E2F5: variants seen among roughly 807,000 people sequenced by gnomAD.
E2F5 encodes the protein transcription factor E2F5.
Under a neutral mutation model 39.1 loss-of-function variants are expected in E2F5, and 23 were observed. The observed-to-expected ratio is 0.59, with a 90% CI of 0.42 to 0.83. The LOEUF (loss-of-function observed/expected upper bound fraction) is 0.83, where lower values mean the gene tolerates loss of function less well. Ranked by LOEUF, E2F5 falls within the 40% of genes least tolerant of loss-of-function variation. The pLI is 0.00. For synonymous variants in E2F5, 145 were observed against 157.8 expected, an observed-to-expected ratio of 0.92 and a Z score of 0.61; for missense variants, 365 against 406.7, an observed-to-expected ratio of 0.90 and a Z score of 0.88.
At position 85,213,736 on chromosome 8, in the gene E2F5, T is replaced by A; in HGVS notation, c.932-17T>A. 1 of 1,404,984 alleles carries A rather than the reference T, an allele frequency of 7.1e-7. No individual in the cohort carries two copies. The highest frequency in any genetic ancestry group is 1.0e-6 in the Non-Finnish European group (1 of 993,528). The allele number at this position is 1,404,984 out of a possible 1,614,324, so 87.0% of individuals were successfully genotyped here. On this transcript the variant is annotated splice_polypyrimidine_tract_variant and intron_variant, in intron 7 of 7. Coordinates refer to ENST00000416274, the MANE Select transcript of E2F5 (RefSeq NM_001951.4). ...GTAGAAACCATCTTTAACACTAAAT[T>A]TGTTTTTTGTTCGCAGTGTTTCCTC...
At chr8:85,202,982 A>G (rs552560126) in intron 2 of E2F5, 112 bp from the exon 3 acceptor site, 4 of 793,344 alleles carry the variant, frequency 5.0e-6, no homozygotes, top group Non-Finnish European at 6.9e-6. Flanking sequence ...TAAGAGTGTA[A>G]AGACTTCTGT....
chr8:85,213,843 T>A lies in E2F5; in HGVS notation c.1022T>A (p.Val341Asp). The A allele has an allele frequency of 6.2e-7, 1 of 1,604,562 alleles. No individual in the cohort carries two copies. The highest frequency in any genetic ancestry group is 8.5e-7 in the Non-Finnish European group (1 of 1,171,704). ...GAAGGAGTTTGTGATCTGTTTGATG[T>A]CCAGATACTAAATTATTAGATTCCA... ...DNEGVCDLFD[V>D]QILNY is the part of the protein sequence containing the mutation. Residue 341 changes from valine (V) to aspartate (D), a missense_variant, in exon 8 of 8, where the codon GTC becomes GAC. Physicochemically the swap from Val to Asp is radical, Grantham distance 152. Transcript: ENST00000416274.
In E2F5 at chr8:85,207,360, T is replaced by C. The variant is rs993923097; in HGVS notation, c.551-65T>C. On this transcript the variant is annotated intron_variant, in intron 4 of 7. Transcript: ENST00000416274. Reference sequence around the variant, plus strand: ...AAACACTCTGATTCCAGAGCCCACATTCTTGCCACTGTATTCCATGATCAA... The same window carrying C: ...AAACACTCTGATTCCAGAGCCCACACTCTTGCCACTGTATTCCATGATCAA... 53 of 1,395,072 alleles carry C rather than the reference T, an allele frequency of 3.8e-5. No individual in the cohort carries two copies. The Admixed American group carries it at 9.0e-4, about 24-fold the overall frequency. 86.4% of individuals were successfully genotyped at this position (1,395,072 alleles called of 1,614,324 possible).
chr8:85,199,537 G>A (rs1172146853), intron 1 of E2F5, among the ~76,000 whole-genome samples: 2 of 90,068 alleles, frequency 2.2e-5, no homozygotes, highest in African/African-American at 7.1e-5. Context: ...GGAAGGTAGT[G>A]GTGATAGTGG....
At chr8:85,201,058 C>T (rs1349026576) in intron 1 of E2F5, among the ~76,000 whole-genome samples, 2 of 152,204 alleles carry the variant, frequency 1.3e-5, no homozygotes, top group East Asian at 3.8e-4. Context: ...AGAGAACTGA[C>T]ATTTCTCTTA....
In E2F5 at chr8:85,202,259, A is replaced by G. The variant is rs550155630; in HGVS notation, c.344+3A>G. The G allele has an allele frequency of 3.9e-5, 63 of 1,596,902 alleles. No homozygotes were observed. In the Admixed American group the frequency reaches 7.4e-4, roughly 19 times the overall value. On this transcript the variant is annotated splice_donor_region_variant and intron_variant, in intron 2 of 7. Coordinates refer to ENST00000416274, the MANE Select transcript of E2F5 (RefSeq NM_001951.4). ...TCAAAAAACAGTATCCAGTGGAAGT[A>G]AGTTACAAACCAGCACCCTCTTCTG...
At chr8:85,193,200 C>G (rs1202426304) in intron 1 of E2F5, among the ~76,000 whole-genome samples, 1 of 151,716 alleles carries the variant, frequency 6.6e-6, no homozygotes, top group Non-Finnish European at 1.5e-5. Flanking sequence ...TTAAAATGTT[C>G]CTGGCCAGGT....
chr8:85,197,269 G>A (rs1812602309), intron 1 of E2F5, among the ~76,000 whole-genome samples: 1 of 152,130 alleles, frequency 6.6e-6, no homozygotes, highest in Non-Finnish European at 1.5e-5. Context: ...TTTGATATTA[G>A]CCTTTTTAAT....
intron 1 of E2F5, among the ~76,000 whole-genome samples, chr8:85,190,757 G>A (rs752288095): frequency 3.3e-5 from 5 of 151,982 alleles, no homozygotes; most frequent in Non-Finnish European, 7.4e-5. Context: ...GCCCGCCTCA[G>A]CCTCCTAAAA....
At chr8:85,207,302 A>C (rs1239428544) in intron 4 of E2F5, 123 bp from the exon 5 acceptor site, 4 of 704,118 alleles carry the variant, frequency 5.7e-6, no homozygotes, top group Non-Finnish European at 9.2e-6. Flanking sequence ...ATTGAAAATC[A>C]AAGCTCAAGG....
chr8:85,187,956 G>A (rs1005996198), intron 1 of E2F5, among the ~76,000 whole-genome samples: 8 of 151,754 alleles, frequency 5.3e-5, no homozygotes, highest in Non-Finnish European at 1.2e-4. Context: ...TTGCTTTGTT[G>A]TTACCATGAG....
In E2F5 at chr8:85,206,200, A is replaced by T; in HGVS notation, c.530A>T (p.Asp177Val). ...NNRFSYVTHE[D>V]ICNCFNGDTL... ...ACATTTTCCTATGTAACTCATGAAG[A>T]CATCTGTAATTGCTTTAATGGTAAG... Residue 177 changes from aspartate to valine, a missense_variant, in exon 4 of 8, where the codon GAC (aspartate) becomes GTC (valine). By Grantham distance (152) the Asp-to-Val change is radical. Transcript: ENST00000416274. 3 of 1,613,304 alleles carry T rather than the reference A, an allele frequency of 1.9e-6. No individual in the cohort carries two copies. Among genetic ancestry groups the T allele is most frequent in the Non-Finnish European group, 2.5e-6 (3 of 1,179,628 alleles).
At position 85,194,660 on chromosome 8, in the gene E2F5, A is replaced by T. The variant is rs1273957279; in HGVS notation, c.235-7487A>T. On this transcript the variant is annotated intron_variant, in intron 1 of 7. Transcript: ENST00000416274. Reference sequence around the variant, plus strand: ...AGTGATTCTCCTGCCTCAGCCTCCCAAGTAGCTGGGATTACAAGCGCCTGC... The same window carrying T: ...AGTGATTCTCCTGCCTCAGCCTCCCTAGTAGCTGGGATTACAAGCGCCTGC... Among the ~76,000 whole-genome samples the T allele has an allele frequency of 9.5e-5, 14 of 147,074 alleles. No homozygotes were observed. In the Admixed American group the frequency reaches 9.6e-4, roughly 10 times the overall value.
In E2F5 at chr8:85,193,143, G is replaced by T. The variant is rs566873723; in HGVS notation, c.235-9004G>T. 1.6e-4 allele frequency among the ~76,000 whole-genome samples: 24 copies of T among 152,180 alleles called. No homozygotes were observed. The South Asian group carries it at 3.7e-3, about 24-fold the overall frequency. The stretch of plus-strand genomic sequence containing the variant: ...ATATTTTACAAATTTGAAAAGTAAT[G>T]AATAGTATTTTTTTTCAGTCAACTT... On this transcript the variant is annotated intron_variant, in intron 1 of 7. Transcript: ENST00000416274.
chr8:85,177,499 C>T lies in E2F5; in HGVS notation c.79C>T (p.Pro27Ser). ...QGQGQRPPPQ[P>S]PQAQAPQPPP... ...GCAGGGCCAGCGGCCGCCGCCGCAG[C>T]CTCCGCAGGCGCAAGCCCCGCAGCC... Residue 27 changes from proline to serine, a missense_variant, in exon 1 of 8, where the codon CCT (proline) becomes TCT (serine). Physicochemically the swap from Pro to Ser is moderately conservative, Grantham distance 74. Coordinates refer to ENST00000416274, the MANE Select transcript of E2F5 (RefSeq NM_001951.4). The T allele has an allele frequency of 9.3e-7, 1 of 1,074,222 alleles. No individual in the cohort carries two copies. 66.5% of individuals were successfully genotyped at this position (1,074,222 alleles called of 1,614,324 possible).
At chr8:85,192,852 A>G (rs1812493948) in intron 1 of E2F5, among the ~76,000 whole-genome samples, 1 of 152,264 alleles carries the variant, frequency 6.6e-6, no homozygotes, top group Admixed American at 6.5e-5. Context: ...TCCTGACTTT[A>G]CAATATTTAG....
chr8:85,201,887 G>A lies in E2F5; in HGVS notation c.235-260G>A, dbSNP rs1812705208. ...AGGTGACACAAAGTATTCTTATTGT[G>A]TTCTTTTATTTTTGCAGGCTTTGTG... On this transcript the variant is annotated intron_variant, in intron 1 of 7. Transcript: ENST00000416274. 3 of 467,174 alleles carry A rather than the reference G, an allele frequency of 6.4e-6. No individual in the cohort carries two copies. The South Asian group carries it at 7.9e-5, about 12-fold the overall frequency. 28.9% of individuals were successfully genotyped at this position (467,174 alleles called of 1,614,324 possible).
intron 1 of E2F5, among the ~76,000 whole-genome samples, chr8:85,182,995 T>G (rs1284461742): frequency 1.3e-5 from 2 of 152,166 alleles, no homozygotes; most frequent in Non-Finnish European, 2.9e-5. Flanking sequence ...TTCACGCCTG[T>G]AATCCCAGCA....
Position 85,177,415 on chromosome 8 carries a change from G to A in E2F5, c.-6G>A, listed in dbSNP as rs918512432. 3.6e-5 allele frequency: 36 copies of A among 988,370 alleles called. No individual in the cohort carries two copies. In the Admixed American group the frequency reaches 2.1e-3, roughly 58 times the overall value. The allele number at this position is 988,370 out of a possible 1,614,324, so 61.2% of individuals were successfully genotyped here. ...GGGGGCCCGACCACCGCGGGGCCGGGACGCGATGGCGGCGGCAGAGCCCGC... is the reference window on the plus strand; with the variant it reads ...GGGGGCCCGACCACCGCGGGGCCGGAACGCGATGGCGGCGGCAGAGCCCGC... On this transcript the variant is annotated 5_prime_UTR_variant, in exon 1 of 8. Coordinates refer to ENST00000416274, the MANE Select transcript of E2F5 (RefSeq NM_001951.4).
Sources: gnomAD v4.1 joint callset for allele counts (sites outside exome capture counted in the v4.1 genomes callset) on GRCh38, gnomAD v4.1.1 for gene constraint, MANE v1.5 for transcripts, NCBI Gene and HGNC (gene_info 2026-07-23, HGNC 2026-07-21) for gene names.